The following COP1 variants were observed in gnomAD, a reference collection of about 807,000 sequenced individuals.
COP1 encodes E3 ubiquitin-protein ligase COP1.
Under a neutral mutation model 101.3 loss-of-function variants are expected in COP1, and 24 were observed. The ratio of observed to expected loss-of-function variants is 0.24; its 90% confidence interval spans 0.17 to 0.33. COP1 has a LOEUF of 0.33. COP1 is among the 10% of genes least tolerant of loss of function. The pLI is 1.00. For missense variants in COP1, 663 were observed against 906.2 expected, an observed-to-expected ratio of 0.73 and a Z score of 3.45; for synonymous variants, 347 against 341.9, an observed-to-expected ratio of 1.01 and a Z score of -0.17.
intron 8 of COP1, among the ~76,000 whole-genome samples, chr1:176,117,535 G>C (rs1399751411): frequency 6.6e-6 from 1 of 152,038 alleles, no homozygotes; most frequent in Non-Finnish European, 1.5e-5. Flanking sequence ...AAAATCACAT[G>C]ACATACATAC....
At chr1:176,036,169 T>C (rs1669506159) in intron 14 of COP1, among the ~76,000 whole-genome samples, 1 of 151,952 alleles carries the variant, frequency 6.6e-6, no homozygotes, top group Non-Finnish European at 1.5e-5. Flanking sequence ...AAGTAGTGCT[T>C]AATGGGAAAT....
intron 15 of COP1, among the ~76,000 whole-genome samples, chr1:176,022,041 T>G (rs533976289): frequency 2.0e-5 from 3 of 152,338 alleles, no homozygotes; most frequent in Non-Finnish European, 4.4e-5. Context: ...CTTAGCATTT[T>G]CATTTTAATT....
intron 9 of COP1, among the ~76,000 whole-genome samples, chr1:176,090,753 T>C (rs1443109398): frequency 6.6e-6 from 1 of 151,884 alleles, no homozygotes; most frequent in Non-Finnish European, 1.5e-5. Context: ...AAAAACAATA[T>C]AAAAGGCATA....
chr1:176,005,330 G>GT (rs1662861517), intron 15 of COP1, among the ~76,000 whole-genome samples: 1 of 152,110 alleles, frequency 6.6e-6, no homozygotes, highest in South Asian at 2.1e-4. Context: ...TTTTTGTAGG[G>GT]TTTTTTGTGT....
At position 176,046,392 on chromosome 1, in the gene COP1, G is replaced by A. The variant is rs571079985; in HGVS notation, c.1278-68C>T. The A allele has an allele frequency of 8.7e-5, 126 of 1,446,702 alleles. 1 individual carries two copies. The highest frequency in any genetic ancestry group is 7.2e-4 in the Middle Eastern group (4 of 5,550). 89.6% of individuals were successfully genotyped at this position (1,446,702 alleles called of 1,614,324 possible). A position where few individuals can be genotyped will look rare whatever the true frequency, so the allele number is the denominator to read the frequency against. On this transcript the variant is annotated intron_variant, in intron 11 of 19. Transcript: ENST00000367669. ...TATTTTCTATTTCTAAAGTAATTCG[G>A]TCTACAAGGATAAAAGATCTACTTT...
chr1:176,110,499 C>A (rs914382583), intron 9 of COP1, among the ~76,000 whole-genome samples: 2 of 152,160 alleles, frequency 1.3e-5, no homozygotes, highest in Non-Finnish European at 2.9e-5. Context: ...TTCCTCATAT[C>A]CTGGTCATTC....
chr1:175,983,298 G>A (rs1338115776), intron 18 of COP1, among the ~76,000 whole-genome samples: 2 of 152,156 alleles, frequency 1.3e-5, no homozygotes, highest in Non-Finnish European at 2.9e-5. Context: ...ATGACTCATG[G>A]GGGCAAGTCT....
chr1:176,200,733 A>G lies in COP1; in HGVS notation c.407+5839T>C, dbSNP rs117595976. ...TTACTCTCAGTGAATATATTGTTTG[A>G]GAAAGTACCAACCTATCTGAATAGA... On this transcript the variant is annotated intron_variant, in intron 1 of 19. Coordinates refer to ENST00000367669, the MANE Select transcript of COP1 (RefSeq NM_022457.7). Among the ~76,000 whole-genome samples, 58 of 151,916 alleles carry G rather than the reference A, an allele frequency of 3.8e-4. No homozygotes were observed. In the East Asian group the frequency reaches 9.4e-3, roughly 25 times the overall value.
At chr1:176,058,255 G>A (rs942537760) in intron 11 of COP1, among the ~76,000 whole-genome samples, 9 of 151,546 alleles carry the variant, frequency 5.9e-5, no homozygotes, top group African/African-American at 1.5e-4. Context: ...CCACCACCCC[G>A]TCTGGGAGGT....
intron 18 of COP1, among the ~76,000 whole-genome samples, chr1:175,976,330 T>C (rs918407642): frequency 6.2e-5 from 8 of 129,312 alleles, no homozygotes; most frequent in Admixed American, 3.0e-4. Context: ...CAGGCTGGAA[T>C]GTGGTGGTGC....
chr1:175,964,713 GAAC>G (rs898276549), intron 18 of COP1, among the ~76,000 whole-genome samples: 36 of 152,134 alleles, frequency 2.4e-4, no homozygotes, highest in African/African-American at 8.0e-4. Context: ...AAATCACTAT[GAAC>G]AACATACAGT....
chr1:176,172,923 G>A (rs540301589), intron 3 of COP1, among the ~76,000 whole-genome samples: 2 of 152,160 alleles, frequency 1.3e-5, no homozygotes, highest in African/African-American at 2.4e-5. Flanking sequence ...ACAAATAGAT[G>A]TATCAGGATG....
chr1:176,080,508 A>G (rs983713704), intron 11 of COP1, among the ~76,000 whole-genome samples: 1 of 152,232 alleles, frequency 6.6e-6, no homozygotes, highest in Non-Finnish European at 1.5e-5. Context: ...TAAAACTGAT[A>G]ATCTTCTAAG....
At chr1:176,035,473 G>GTAGT (rs1416691943) in intron 14 of COP1, among the ~76,000 whole-genome samples, 2 of 151,814 alleles carry the variant, frequency 1.3e-5, no homozygotes, top group African/African-American at 4.8e-5. Context: ...ATTACTAGCA[G>GTAGT]TAGTTTGATA....
At chr1:175,980,029 C>G (rs1655433776) in intron 18 of COP1, among the ~76,000 whole-genome samples, 1 of 152,106 alleles carries the variant, frequency 6.6e-6, no homozygotes, top group African/African-American at 2.4e-5. Context: ...GTATCAGGAA[C>G]TGTTCCAAAC....
chr1:176,003,252 C>G (rs909003367), intron 15 of COP1, among the ~76,000 whole-genome samples: 2 of 152,010 alleles, frequency 1.3e-5, no homozygotes, highest in African/African-American at 4.8e-5. Flanking sequence ...GGATATTAGC[C>G]CTTTGTCAGA....
At chr1:176,142,601 T>C (rs1343836891) in intron 6 of COP1, among the ~76,000 whole-genome samples, 3 of 152,182 alleles carry the variant, frequency 2.0e-5, no homozygotes, top group African/African-American at 7.2e-5. Context: ...ATGCATTCTT[T>C]TCAAGCACAA....
intron 8 of COP1, among the ~76,000 whole-genome samples, chr1:176,128,760 A>T (rs1375402296): frequency 6.6e-6 from 1 of 151,950 alleles, no homozygotes; most frequent in Non-Finnish European, 1.5e-5. Flanking sequence ...GATTATAAAA[A>T]CATTTCATTT....
At position 176,097,057 on chromosome 1, in the gene COP1, T is replaced by C. The variant is rs190425084; in HGVS notation, c.1027-11167A>G. 3.3e-5 allele frequency among the ~76,000 whole-genome samples: 5 copies of C among 152,342 alleles called. No individual in the cohort carries two copies. In the East Asian group the frequency reaches 9.6e-4, roughly 29 times the overall value. On this transcript the variant is annotated intron_variant, in intron 9 of 19. Transcript: ENST00000367669. The stretch of plus-strand genomic sequence containing the variant: ...GATTTTACTTTCTTTGAGCCTTTAG[T>C]AAAGTTTGAAAGCCAGAAATATTGG...
Sources: gnomAD v4.1 joint callset for allele counts (sites outside exome capture counted in the v4.1 genomes callset) on GRCh38, gnomAD v4.1.1 for gene constraint, MANE v1.5 for transcripts, NCBI Gene and HGNC (gene_info 2026-07-23, HGNC 2026-07-21) for gene names.